GRB10: variants seen among roughly 807,000 people sequenced by gnomAD.
The protein encoded by GRB10 is growth factor receptor-bound protein 10.
In GRB10, 20 loss-of-function variants were observed where a neutral mutation model predicts 80.9. The ratio of observed to expected loss-of-function variants is 0.25; its 90% CI spans 0.17 to 0.36. The LOEUF (loss-of-function observed/expected upper bound fraction) is 0.36, where lower values mean the gene tolerates loss of function less well. Ranked by LOEUF, GRB10 falls within the 10% of genes least tolerant of loss-of-function variation. The pLI, the probability that GRB10 is intolerant of heterozygous loss-of-function variation, is 1.00. For missense variants in GRB10, 548 were observed against 747.7 expected (o/e 0.73, Z 3.12); for synonymous variants, 291 against 291.5 (o/e 1.00, Z 0.02).
chr7:50,642,615 T>G (rs553262099), intron 7 of GRB10, among the ~76,000 whole-genome samples: 1 of 152,172 alleles, frequency 6.6e-6, no homozygotes, highest in South Asian at 2.1e-4. Flanking sequence ...GAAACGCTCA[T>G]TGGAGCATTT....
chr7:50,630,725 C>T (rs537067069), intron 7 of GRB10, among the ~76,000 whole-genome samples: 17 of 152,138 alleles, frequency 1.1e-4, no homozygotes, highest in Non-Finnish European at 2.5e-4. Context: ...AAAAATAAAA[C>T]GGCAATATTA....
intron 4 of GRB10, among the ~76,000 whole-genome samples, chr7:50,730,255 T>C (rs1057001411): frequency 6.6e-6 from 1 of 152,240 alleles, no homozygotes; most frequent in African/African-American, 2.4e-5. Context: ...ATTTTGGTGC[T>C]TCTGTGCATA....
chr7:50,783,980 A>AT (rs1225743554), upstream of GRB10, among the ~76,000 whole-genome samples: 7 of 152,196 alleles, frequency 4.6e-5, no homozygotes, highest in Non-Finnish European at 1.0e-4. Flanking sequence ...CAAAATTCCA[A>AT]TATGTTTAAG....
At chr7:50,604,631 C>A (rs766739714) in intron 15 of GRB10, among the ~76,000 whole-genome samples, 1 of 152,184 alleles carries the variant, frequency 6.6e-6, no homozygotes, top group Non-Finnish European at 1.5e-5. Flanking sequence ...TGAAGACATA[C>A]GATGAAAACG....
intron 5 of GRB10, among the ~76,000 whole-genome samples, chr7:50,685,668 A>G (rs1217556142): frequency 2.0e-5 from 3 of 152,186 alleles, no homozygotes; most frequent in Non-Finnish European, 4.4e-5. Flanking sequence ...GGTTATGCAC[A>G]CTGCTTGGCA....
chr7:50,706,099 T>A, intron 4 of GRB10, among the ~76,000 whole-genome samples: 1 of 152,358 alleles, frequency 6.6e-6, no homozygotes, highest in South Asian at 2.1e-4. Context: ...TATATAAATA[T>A]CTAACCTAGA....
intron 2 of GRB10, among the ~76,000 whole-genome samples, chr7:50,775,719 CA>C (rs2077560366): frequency 6.6e-6 from 1 of 152,238 alleles, no homozygotes; most frequent in African/African-American, 2.4e-5. Context: ...CTCTCTGAGG[CA>C]TCCTTTCAAA....
chr7:50,600,600 A>AG (rs1211057716), intron 17 of GRB10, among the ~76,000 whole-genome samples: 1 of 152,106 alleles, frequency 6.6e-6, no homozygotes, highest in African/African-American at 2.4e-5. Context: ...GGAAGGAGAG[A>AG]GGGGGGAAAA....
intron 7 of GRB10, among the ~76,000 whole-genome samples, chr7:50,657,626 A>G (rs533525065): frequency 8.1e-4 from 124 of 152,370 alleles, no homozygotes; most frequent in Non-Finnish European, 1.6e-3. Flanking sequence ...TTGTAAGATG[A>G]CAGCGAAGAT....
intron 5 of GRB10, among the ~76,000 whole-genome samples, chr7:50,702,361 C>A (rs2064364586): frequency 6.6e-6 from 1 of 152,240 alleles, no homozygotes; most frequent in South Asian, 2.1e-4. Context: ...CCTTTGTATT[C>A]CCTAGGACCT....
intron 17 of GRB10, among the ~76,000 whole-genome samples, chr7:50,600,391 T>C (rs1228439928): frequency 2.0e-5 from 3 of 151,502 alleles, no homozygotes; most frequent in African/African-American, 7.3e-5. Flanking sequence ...GAGTAAGGAG[T>C]TTTGGAGCAA....
chr7:50,788,474 AC>A (rs1209122036), intron 1 of GRB10, among the ~76,000 whole-genome samples: 2 of 152,106 alleles, frequency 1.3e-5, no homozygotes, highest in African/African-American at 4.8e-5. Flanking sequence ...CAGCTCACAG[AC>A]AGGACCAGAC....
chr7:50,683,404 T>A (rs1452022506), intron 5 of GRB10, among the ~76,000 whole-genome samples: 1 of 152,196 alleles, frequency 6.6e-6, no homozygotes, highest in Non-Finnish European at 1.5e-5. Flanking sequence ...TGTGCAACCA[T>A]GTGAACGTTC....
chr7:50,656,114 A>G (rs528864789), intron 7 of GRB10, among the ~76,000 whole-genome samples: 3 of 152,280 alleles, frequency 2.0e-5, no homozygotes, highest in African/African-American at 4.8e-5. Flanking sequence ...GAATGGGCAC[A>G]AGAGAGGAAC....
At position 50,612,800 on chromosome 7, in the gene GRB10, G is replaced by A; in HGVS notation, c.1135C>T (p.Leu379Phe). ...CTGGTTTGCTCGTCCTCTGCACAGAGCAACCTCAGCTCTTTAGTTTCATTC... is the reference window on the plus strand; with the variant it reads ...CTGGTTTGCTCGTCCTCTGCACAGAACAACCTCAGCTCTTTAGTTTCATTC... ...VRNETKELRL[L>F]CAEDEQTRTC... is the part of the protein sequence containing the mutation. The change falls in exon 13 of 19, where the codon CTC becomes TTC. Residue 379 changes from leucine to phenylalanine, a missense_variant. Leu to Phe is a conservative substitution (Grantham distance 22, BLOSUM62 0). Around this residue, in one of 4 missense-constraint regions of GRB10, gnomAD observed 270 missense variants for 433.6 expected, o/e 0.62. Coordinates refer to ENST00000401949, the MANE Select transcript of GRB10 (RefSeq NM_001350814.2). 1 of 1,614,080 alleles carries A rather than the reference G, an allele frequency of 6.2e-7. No homozygotes were observed. Among genetic ancestry groups the A allele is most frequent in the Non-Finnish European group, 8.5e-7 (1 of 1,179,960 alleles).
At chr7:50,615,617 T>C (rs2050469515) in intron 11 of GRB10, among the ~76,000 whole-genome samples, 1 of 152,068 alleles carries the variant, frequency 6.6e-6, no homozygotes, top group South Asian at 2.1e-4. Context: ...AGCCCTCAGA[T>C]GGTAAGTGCT....
At chr7:50,604,936 G>A (rs992393274) in intron 15 of GRB10, 2 of 320,410 alleles carry the variant, frequency 6.2e-6, no homozygotes, top group East Asian at 7.4e-5. Flanking sequence ...AGACCTTGAT[G>A]TGAGCACCTG....
At chr7:50,747,989 AG>A (rs1454215630) in intron 3 of GRB10, among the ~76,000 whole-genome samples, 1 of 152,130 alleles carries the variant, frequency 6.6e-6, no homozygotes, top group Non-Finnish European at 1.5e-5. Flanking sequence ...AAATCACAGA[AG>A]GCAGGACACA....
Position 50,669,734 on chromosome 7 carries a change from G to T in GRB10, c.492C>A (p.Ala164=), listed in dbSNP as rs372727218. Residue 164 remains alanine, a synonymous_variant, in exon 7 of 19, where the codon GCC becomes GCA. Coordinates refer to ENST00000401949, the MANE Select transcript of GRB10 (RefSeq NM_001350814.2). ...GGGGCACACTCACCTGCTTTGCGGC[G>T]GCCTGGCTCGGAGGTAAAGAACCCG... ...LTPGSLPPSQ[A]AAKQDVKVFS... 1.9e-6 allele frequency: 3 copies of T among 1,613,160 alleles called. No homozygotes were observed. The South Asian group carries it at 3.3e-5, about 18-fold the overall frequency.
Sources: allele counts gnomAD v4.1 joint callset (sites outside exome capture counted in the v4.1 genomes callset), GRCh38; gene constraint gnomAD v4.1.1; regional missense constraint gnomAD v4.1.1; transcripts MANE v1.5; gene names NCBI Gene and HGNC (gene_info 2026-07-23, HGNC 2026-07-21).